Variants in PTPN1 observed in about 807,000 individuals in gnomAD.
PTPN1 encodes the protein tyrosine-protein phosphatase non-receptor type 1.
PTPN1 carries 12 observed loss-of-function variants against 59.9 expected under a neutral mutation model. The observed-to-expected ratio is 0.20, with a 90% CI of 0.13 to 0.32. The LOEUF (loss-of-function observed/expected upper bound fraction) is 0.32. PTPN1 is among the 10% of genes least tolerant of loss of function. The pLI, the probability that PTPN1 is intolerant of heterozygous loss-of-function variation, is 1.00. For missense variants in PTPN1, 356 were observed against 549.2 expected (o/e 0.65, Z 3.52); for synonymous variants, 178 against 203.6 (o/e 0.87, Z 1.07).
chr20:50,537,144 G>T (rs1170582051), intron 1 of PTPN1, among the ~76,000 whole-genome samples: 1 of 152,092 alleles, frequency 6.6e-6, no homozygotes, highest in African/African-American at 2.4e-5. Context: ...CCAACATGGC[G>T]AAACCCTGTC....
At chr20:50,553,034 A>G (rs1209867128) in intron 1 of PTPN1, among the ~76,000 whole-genome samples, 1 of 152,058 alleles carries the variant, frequency 6.6e-6, no homozygotes, top group Non-Finnish European at 1.5e-5. Context: ...ATCAGCTGAC[A>G]TATATTTTGT....
chr20:50,538,560 C>T (rs1291754186), intron 1 of PTPN1, among the ~76,000 whole-genome samples: 1 of 152,212 alleles, frequency 6.6e-6, no homozygotes, highest in East Asian at 1.9e-4. Flanking sequence ...AGAGTAGGCA[C>T]TGCCAGACTG....
chr20:50,560,596 G>A (rs991610072), intron 1 of PTPN1, among the ~76,000 whole-genome samples: 7 of 149,980 alleles, frequency 4.7e-5, no homozygotes, highest in Non-Finnish European at 8.9e-5. Flanking sequence ...TATTCCCACC[G>A]TAGGGGATGG....
At chr20:50,550,663 C>A (rs550072472) in intron 1 of PTPN1, among the ~76,000 whole-genome samples, 1 of 152,318 alleles carries the variant, frequency 6.6e-6, no homozygotes, top group African/African-American at 2.4e-5. Flanking sequence ...GCTTTGGGAA[C>A]CTTTGAAGTA....
intron 1 of PTPN1, among the ~76,000 whole-genome samples, chr20:50,548,374 A>G (rs933462340): frequency 6.6e-6 from 1 of 151,152 alleles, no homozygotes; most frequent in Non-Finnish European, 1.5e-5. Flanking sequence ...TCTTTTTTAT[A>G]CACGATTCCT....
At chr20:50,513,893 TAAAAA>T (rs199717412) in intron 1 of PTPN1, among the ~76,000 whole-genome samples, 1 of 146,404 alleles carries the variant, frequency 6.8e-6, no homozygotes, top group Non-Finnish European at 1.5e-5. Flanking sequence ...TCACTTCACT[TAAAAA>T]AAAAAAGACT....
In PTPN1 at chr20:50,569,587, GACTGTCCATGTAA is replaced by G. The variant is rs2082796902; in HGVS notation, c.354+1117_354+1129del. 2.6e-5 allele frequency among the ~76,000 whole-genome samples: 4 copies of G among 151,926 alleles called. No homozygotes were observed. In the South Asian group the frequency reaches 8.3e-4, roughly 32 times the overall value. ...TTGTCTGTGTAGACTGTCCTGTGTA[GACTGTCCATGTAA>G]ACTGTCCTGTGTAGATTGTCTGTGT... On this transcript the variant is annotated intron_variant, in intron 4 of 9. Transcript: ENST00000371621.
intron 1 of PTPN1, among the ~76,000 whole-genome samples, chr20:50,559,568 G>A (rs571076775): frequency 2.6e-4 from 39 of 152,230 alleles, no homozygotes; most frequent in African/African-American, 8.7e-4. Flanking sequence ...TGGATGGGTC[G>A]GGAGGTTTTC....
At chr20:50,527,149 A>G (rs1015554144) in intron 1 of PTPN1, among the ~76,000 whole-genome samples, 1 of 151,992 alleles carries the variant, frequency 6.6e-6, no homozygotes, top group African/African-American at 2.4e-5. Context: ...CCTCCCTATT[A>G]TCATCTTATG....
rs758840517 is a variant in PTPN1, at chr20:50,528,407, T to G, written c.63+17817T>G. On this transcript the variant is annotated intron_variant, in intron 1 of 9. Transcript: ENST00000371621. ...TATCTCTTAGTACCCAATATAGTGT[T>G]TGGCATATAGAAAATACCCAACAAG... is the stretch of plus-strand genomic sequence containing the variant. Among the ~76,000 whole-genome samples, 48 of 152,234 alleles carry G rather than the reference T, an allele frequency of 3.2e-4. 1 individual carries two copies. The highest frequency in any genetic ancestry group is 5.9e-4 in the Non-Finnish European group (40 of 68,004).
At chr20:50,577,535 G>C (rs892704762) in intron 5 of PTPN1, 5 of 152,232 alleles carry the variant, frequency 3.3e-5, no homozygotes, top group Non-Finnish European at 5.9e-5. Context: ...TTAGGTCATT[G>C]AAGATGTTGC....
At chr20:50,519,643 A>G (rs935522757) in intron 1 of PTPN1, among the ~76,000 whole-genome samples, 6 of 152,180 alleles carry the variant, frequency 3.9e-5, no homozygotes, top group Admixed American at 1.3e-4. Context: ...TAAGAACTGC[A>G]TGGTACATGC....
At chr20:50,533,193 G>T (rs1398906210) in intron 1 of PTPN1, among the ~76,000 whole-genome samples, 1 of 152,096 alleles carries the variant, frequency 6.6e-6, no homozygotes, top group Non-Finnish European at 1.5e-5. Context: ...ATTTTGCTAT[G>T]AGAGGTTGTA....
chr20:50,565,408 C>T (rs1306369858), intron 3 of PTPN1, among the ~76,000 whole-genome samples: 1 of 152,144 alleles, frequency 6.6e-6, no homozygotes, highest in African/African-American at 2.4e-5. Flanking sequence ...AAGTATTTGT[C>T]GTAGAGCACT....
In PTPN1 at chr20:50,568,242, C is replaced by G; in HGVS notation, c.256-138C>G. ...ACCACCAGGCAGAGAGAGGTGGGTC[C>G]CTGTCCCAGCCTCAGCCACCACTCT... is the stretch of plus-strand genomic sequence containing the variant. On this transcript the variant is annotated intron_variant, in intron 3 of 9. Coordinates refer to ENST00000371621, the MANE Select transcript of PTPN1 (RefSeq NM_002827.4). The surrounding 1 kb of genome is among the most constrained non-coding windows in gnomAD (Gnocchi z 5.6). The G allele has an allele frequency of 1.4e-6, 1 of 691,212 alleles. No individual in the cohort carries two copies. The highest frequency in any genetic ancestry group is 2.6e-6 in the Non-Finnish European group (1 of 383,594). 42.8% of individuals were successfully genotyped at this position (691,212 alleles called of 1,614,324 possible).
At chr20:50,579,660 C>G in intron 7 of PTPN1, 43 bp from the exon 8 acceptor site, 1 of 1,550,020 alleles carries the variant, frequency 6.5e-7, no homozygotes, top group Non-Finnish European at 8.9e-7. Context: ...ACAAACCAGC[C>G]GAAGTGAACA....
At chr20:50,525,283 A>G (rs1196936090) in intron 1 of PTPN1, among the ~76,000 whole-genome samples, 1 of 151,844 alleles carries the variant, frequency 6.6e-6, no homozygotes, top group African/African-American at 2.4e-5. Context: ...GTGGTCTCGC[A>G]CTTCTGACCT....
Position 50,568,292 on chromosome 20 carries a change from G to A in PTPN1, c.256-88G>A, listed in dbSNP as rs1032079043. On this transcript the variant is annotated intron_variant, in intron 3 of 9. Transcript: ENST00000371621. This position sits in a 1 kb window ranked among gnomAD's most constrained non-coding sequence, Gnocchi z 5.6. ...TGCCTAAGCTGTGGGGACTGAGGGCGCTGTCGTTAGCTGACTGCAGAAGGT... is the reference window on the plus strand; with the variant it reads ...TGCCTAAGCTGTGGGGACTGAGGGCACTGTCGTTAGCTGACTGCAGAAGGT... 1.2e-5 allele frequency: 14 copies of A among 1,150,048 alleles called. No homozygotes were observed. Among genetic ancestry groups the A allele is most frequent in the Admixed American group, 1.7e-5 (1 of 57,284 alleles). The allele number at this position is 1,150,048 out of a possible 1,614,324, so 71.2% of individuals were successfully genotyped here.
In PTPN1 at chr20:50,567,351, C is replaced by G. The variant is rs146407313; in HGVS notation, c.256-1029C>G. Among the ~76,000 whole-genome samples, 831 of 152,074 alleles carry G rather than the reference C, an allele frequency of 5.5e-3. 11 individuals carry two copies. The highest frequency in any genetic ancestry group is 0.019 in the African/African-American group (773 of 41,472). ...CTGAGACAGGAGAATCGCTTGAGCCCAGGAGGCAGAGGTTGCAGTGAGCCA... is the reference window on the plus strand; with the variant it reads ...CTGAGACAGGAGAATCGCTTGAGCCGAGGAGGCAGAGGTTGCAGTGAGCCA... On this transcript the variant is annotated intron_variant, in intron 3 of 9. Transcript: ENST00000371621.
Sources: allele counts gnomAD v4.1 joint callset (sites outside exome capture counted in the v4.1 genomes callset), GRCh38; gene constraint gnomAD v4.1.1; non-coding constraint Gnocchi (gnomAD v3.1); transcripts MANE v1.5; gene names NCBI Gene and HGNC (gene_info 2026-07-23, HGNC 2026-07-21).